PRELID2: variants seen among roughly 807,000 people sequenced by gnomAD.
The protein encoded by PRELID2 is PRELI domain containing 2.
PRELID2 carries 25 observed loss-of-function variants against 28.4 expected under a neutral mutation model. The observed-to-expected ratio is 0.88, with a 90% CI of 0.64 to 1.23. The LOEUF (loss-of-function observed/expected upper bound fraction) is 1.23, where lower values mean the gene tolerates loss of function less well. Ranked by LOEUF, PRELID2 falls within the 50% of genes most tolerant of loss-of-function variation. The probability of loss-of-function intolerance (pLI) is 0.00; values close to 1 mark genes in which losing one functional copy is unlikely to be tolerated. For synonymous variants in PRELID2, 76 were observed against 71.6 expected (o/e 1.06, Z -0.31); for missense variants, 201 against 214.4 (o/e 0.94, Z 0.39).
intron 1 of PRELID2, among the ~76,000 whole-genome samples, chr5:145,590,479 C>A (rs1008795472): frequency 3.9e-5 from 6 of 152,104 alleles, no homozygotes; most frequent in East Asian, 1.9e-4. Context: ...AACCTTGGGA[C>A]CTTGACTGTC....
chr5:145,778,161 G>T (rs1758535636), intron 5 of PRELID2, among the ~76,000 whole-genome samples: 1 of 152,194 alleles, frequency 6.6e-6, no homozygotes, highest in South Asian at 2.1e-4. Flanking sequence ...GGCTCAATCA[G>T]AGCTGAGCAG....
chr5:145,230,168 G>GCTT, the PRELID2 span: 1 of 414,112 alleles, frequency 2.4e-6, no homozygotes, highest in Non-Finnish European at 4.6e-6. Flanking sequence ...TGGCAACCTA[G>GCTT]TGGGGCTGCC....
intron 4 of PRELID2, among the ~76,000 whole-genome samples, chr5:145,809,033 T>A (rs1242838517): frequency 6.6e-6 from 1 of 150,970 alleles, no homozygotes; most frequent in African/African-American, 2.4e-5. Context: ...AGCTTTTTTT[T>A]TGCTTTTTTT....
At chr5:145,835,042 C>A (rs964208912) in intron 1 of PRELID2, 135 bp downstream of exon 1, 1 of 614,394 alleles carries the variant, frequency 1.6e-6, no homozygotes, top group African/African-American at 1.9e-5. Context: ...CCCTCTCGAC[C>A]CACACATCCC....
At chr5:145,661,597 T>C (rs1236614967) in intron 1 of PRELID2, among the ~76,000 whole-genome samples, 3 of 148,414 alleles carry the variant, frequency 2.0e-5, no homozygotes, top group African/African-American at 7.5e-5. Flanking sequence ...CTTCCTCCAC[T>C]GGCCTGTCAC....
chr5:145,385,913 A>G, the PRELID2 span, among the ~76,000 whole-genome samples: 1 of 151,982 alleles, frequency 6.6e-6, no homozygotes, highest in Non-Finnish European at 1.5e-5. Flanking sequence ...GTTTGGCTCT[A>G]TGTCCCCACC....
the PRELID2 span, among the ~76,000 whole-genome samples, chr5:145,246,078 G>T: frequency 6.6e-6 from 1 of 151,936 alleles, no homozygotes; most frequent in East Asian, 1.9e-4. Flanking sequence ...ATTTTACTTA[G>T]AATACACAAA....
At chr5:145,395,077 T>G in the PRELID2 span, among the ~76,000 whole-genome samples, 1 of 152,120 alleles carries the variant, frequency 6.6e-6, no homozygotes, top group African/African-American at 2.4e-5. Flanking sequence ...TAGTAAATAT[T>G]TATTGTACAC....
chr5:145,330,410 T>C, the PRELID2 span, among the ~76,000 whole-genome samples: 1 of 152,176 alleles, frequency 6.6e-6, no homozygotes, highest in Admixed American at 6.5e-5. Context: ...TCCTGAGCTA[T>C]ATTTGGTTGG....
At chr5:145,264,095 A>G in the PRELID2 span, among the ~76,000 whole-genome samples, 1 of 152,184 alleles carries the variant, frequency 6.6e-6, no homozygotes, top group Non-Finnish European at 1.5e-5. Flanking sequence ...CATGAATCCT[A>G]TCAATGCTAT....
the PRELID2 span, among the ~76,000 whole-genome samples, chr5:145,271,756 C>A: frequency 6.6e-6 from 1 of 152,116 alleles, no homozygotes; most frequent in East Asian, 1.9e-4. Context: ...ACAGTCAAAT[C>A]CAGAAACCTG....
At chr5:145,479,485 A>G (rs957510039) in intron 1 of PRELID2, among the ~76,000 whole-genome samples, 6 of 152,110 alleles carry the variant, frequency 3.9e-5, no homozygotes, top group Non-Finnish European at 2.9e-5. Context: ...GCCCCTGTGT[A>G]TGTGTGCTCA....
chr5:145,760,868 T>A (rs1757441182), intron 6 of PRELID2, among the ~76,000 whole-genome samples: 1 of 152,232 alleles, frequency 6.6e-6, no homozygotes, highest in East Asian at 1.9e-4. Context: ...CTGTCAGGGT[T>A]ATTTGTTTTA....
At chr5:145,667,693 T>C (rs187366482) in intron 1 of PRELID2, among the ~76,000 whole-genome samples, 55 of 152,212 alleles carry the variant, frequency 3.6e-4, no homozygotes, top group Admixed American at 2.7e-3. Flanking sequence ...CTCTACTACC[T>C]GCTAACCAGT....
the PRELID2 span, among the ~76,000 whole-genome samples, chr5:145,425,119 A>T: frequency 2.6e-5 from 4 of 152,204 alleles, no homozygotes; most frequent in Non-Finnish European, 5.9e-5. Context: ...GACACTTCTC[A>T]AAAGAAGACA....
At chr5:145,494,834 T>C (rs1379390239) in intron 1 of PRELID2, among the ~76,000 whole-genome samples, 2 of 152,158 alleles carry the variant, frequency 1.3e-5, no homozygotes, top group African/African-American at 4.8e-5. Context: ...AAATGGGAGA[T>C]AACTTGTTTA....
chr5:145,275,271 C>G, the PRELID2 span, among the ~76,000 whole-genome samples: 1 of 152,000 alleles, frequency 6.6e-6, no homozygotes, highest in African/African-American at 2.4e-5. Context: ...TCCTCATGGA[C>G]CACAGGAGAT....
chr5:145,304,181 A>T, the PRELID2 span, among the ~76,000 whole-genome samples: 1 of 152,342 alleles, frequency 6.6e-6, no homozygotes, highest in South Asian at 2.1e-4. Flanking sequence ...ATATGTATTA[A>T]ACACTTACTA....
intron 1 of PRELID2, among the ~76,000 whole-genome samples, chr5:145,619,791 C>T (rs569226683): frequency 6.6e-6 from 1 of 152,252 alleles, no homozygotes; most frequent in East Asian, 1.9e-4. Context: ...GTACAGGCAA[C>T]TTGAAAATGG....
Sources: gnomAD v4.1 joint callset for allele counts (sites outside exome capture counted in the v4.1 genomes callset) on GRCh38, gnomAD v4.1.1 for gene constraint, MANE v1.5 for transcripts, NCBI Gene and HGNC (gene_info 2026-07-23, HGNC 2026-07-21) for gene names.